Variants in CHD2 observed in about 807,000 individuals in gnomAD.
CHD2 encodes the protein ATP-dependent chromatin remodeler CHD2.
A neutral mutation model predicts 243.9 loss-of-function variants in CHD2; 28 were observed. That is an observed-to-expected ratio of 0.11 (90% CI 0.09 to 0.16). The LOEUF (loss-of-function observed/expected upper bound fraction) is 0.16. CHD2 is among the 10% of genes least tolerant of loss of function. The pLI is 1.00. For synonymous variants in CHD2, 775 were observed against 779.0 expected (o/e 0.99, Z 0.09); for missense variants, 1,386 against 2,209.8 (o/e 0.63, Z 7.47).
Position 92,997,322 on chromosome 15 carries a change from C to T in CHD2, c.3804C>T (p.Arg1268=). Residue 1268 remains arginine, a synonymous_variant, in exon 30 of 39, where the codon CGC becomes CGT. Transcript: ENST00000394196. This position sits in a 1 kb window ranked among gnomAD's most constrained non-coding sequence, Gnocchi z 4.1. ...AGTGGGGGGTGGAAGATGATTCTCG[C>T]CTGTTGCTGGGGATTTATGAACATG... is the stretch of plus-strand genomic sequence containing the variant. ...DVEWGVEDDS[R]LLLGIYEHGY... The T allele has an allele frequency of 6.2e-7, 1 of 1,613,656 alleles. No individual in the cohort carries two copies. Among genetic ancestry groups the T allele is most frequent in the Non-Finnish European group, 8.5e-7 (1 of 1,179,838 alleles).
At chr15:92,986,562 G>T (rs1314537440) in intron 26 of CHD2, among the ~76,000 whole-genome samples, 1 of 152,048 alleles carries the variant, frequency 6.6e-6, no homozygotes, top group Non-Finnish European at 1.5e-5. Flanking sequence ...TGAATTTGTA[G>T]CCAAAATTGT....
intron 38 of CHD2, among the ~76,000 whole-genome samples, chr15:93,023,669 T>G (rs925460300): frequency 3.3e-5 from 4 of 122,368 alleles, no homozygotes; most frequent in East Asian, 2.0e-4. Flanking sequence ...ATTTCCTGGG[T>G]TTTTTTTTTG....
chr15:92,975,913 A>G (rs535783439), intron 20 of CHD2, among the ~76,000 whole-genome samples: 1 of 152,320 alleles, frequency 6.6e-6, no homozygotes, highest in East Asian at 1.9e-4. Context: ...ATAATTAAAG[A>G]CATCGGTCAT....
intron 34 of CHD2, among the ~76,000 whole-genome samples, chr15:93,006,280 C>T (rs2054320975): frequency 6.6e-6 from 1 of 152,038 alleles, no homozygotes; most frequent in Non-Finnish European, 1.5e-5. Flanking sequence ...ATGCGCACCA[C>T]CACACCCGGC....
chr15:92,937,325 A>C (rs2053282938), intron 5 of CHD2, among the ~76,000 whole-genome samples, 193 bp from the exon 6 acceptor site: 1 of 152,220 alleles, frequency 6.6e-6, no homozygotes, highest in Non-Finnish European at 1.5e-5. Context: ...ACTGGAGATA[A>C]AATAGGAATC....
At position 93,005,448 on chromosome 15, in the gene CHD2, C is replaced by T. The variant is rs141010842; in HGVS notation, c.4413+697C>T. Among the ~76,000 whole-genome samples, 473 of 152,300 alleles carry T rather than the reference C, an allele frequency of 3.1e-3. 2 individuals are homozygous for T. Among genetic ancestry groups the T allele is most frequent in the African/African-American group, 0.011 (450 of 41,556 alleles). On this transcript the variant is annotated intron_variant, in intron 34 of 38. Coordinates refer to ENST00000394196, the MANE Select transcript of CHD2 (RefSeq NM_001271.4). ...GCTGGAGCTGCAGGTATAGATTTCA[C>T]TGTGCCACCATCCCTTCCCCACCTC...
intron 27 of CHD2, 80 bp downstream of exon 27, chr15:92,991,597 C>A: frequency 1.0e-6 from 1 of 968,540 alleles, no homozygotes; most frequent in Non-Finnish European, 1.5e-6. Flanking sequence ...TAAATTTTTC[C>A]ATTTAATACT....
chr15:92,942,363 T>C (rs1019324863), intron 8 of CHD2, among the ~76,000 whole-genome samples: 1 of 151,970 alleles, frequency 6.6e-6, no homozygotes, highest in Non-Finnish European at 1.5e-5. Context: ...AAACTTTCTG[T>C]AAAGGAAATA....
At chr15:92,991,201 C>G (rs1235189587) in intron 26 of CHD2, 2 of 331,818 alleles carry the variant, frequency 6.0e-6, no homozygotes, top group Non-Finnish European at 1.1e-5. Flanking sequence ...AGAGCTAAGT[C>G]ACAGTTCTCT....
intron 1 of CHD2, 93 bp from the exon 2 acceptor site, chr15:92,901,074 T>C (rs1365096439): frequency 9.1e-6 from 6 of 661,302 alleles, no homozygotes; most frequent in Admixed American, 2.9e-5. Context: ...TGTTGTGTTA[T>C]AACAATATCG....
chr15:92,996,362 G>T (rs1407811034), intron 28 of CHD2, among the ~76,000 whole-genome samples: 2 of 151,738 alleles, frequency 1.3e-5, no homozygotes, highest in Non-Finnish European at 2.9e-5. Context: ...GGGTTTCACT[G>T]TGTTAGCCAG....
intron 17 of CHD2, among the ~76,000 whole-genome samples, chr15:92,968,729 A>G (rs951453788): frequency 1.3e-5 from 2 of 152,250 alleles, no homozygotes; most frequent in Non-Finnish European, 1.5e-5. Context: ...ACTTTTCTTC[A>G]AAGGTTTTGA....
chr15:93,005,823 C>T (rs1187935557), intron 34 of CHD2, among the ~76,000 whole-genome samples: 1 of 152,144 alleles, frequency 6.6e-6, no homozygotes, highest in Non-Finnish European at 1.5e-5. Flanking sequence ...AAACTAATTA[C>T]ATAGCCAGCT....
intron 25 of CHD2, among the ~76,000 whole-genome samples, chr15:92,984,977 A>G (rs1176203818): frequency 2.0e-5 from 3 of 152,242 alleles, no homozygotes; most frequent in African/African-American, 7.2e-5. Context: ...TTGTAACAAC[A>G]TTGAAATAGG....
At chr15:93,005,102 A>C (rs2054303531) in intron 34 of CHD2, among the ~76,000 whole-genome samples, 1 of 152,196 alleles carries the variant, frequency 6.6e-6, no homozygotes, top group Non-Finnish European at 1.5e-5. Flanking sequence ...TGTTGAATAG[A>C]TAACCATTTC....
At chr15:92,969,280 A>G (rs903982152) in intron 17 of CHD2, among the ~76,000 whole-genome samples, 2 of 152,228 alleles carry the variant, frequency 1.3e-5, no homozygotes, top group Admixed American at 1.3e-4. Context: ...GCTGCACAAC[A>G]TGCAGGATTG....
intron 12 of CHD2, chr15:92,946,713 C>G (rs949960185): frequency 2.6e-5 from 4 of 152,314 alleles, no homozygotes; most frequent in African/African-American, 9.7e-5. Flanking sequence ...GTCTCAAACT[C>G]CTGACCTCAA....
At chr15:92,944,390 C>A in intron 9 of CHD2, 25 bp from the exon 10 acceptor site, 1 of 1,389,636 alleles carries the variant, frequency 7.2e-7, no homozygotes, top group Non-Finnish European at 1.0e-6. Flanking sequence ...TTTATGTGTA[C>A]TTTTTCTGTC....
intron 16 of CHD2, 108 bp from the exon 17 acceptor site, chr15:92,967,217 G>A: frequency 1.3e-6 from 1 of 761,310 alleles, no homozygotes; most frequent in Non-Finnish European, 2.1e-6. Context: ...GAGCTCTAGT[G>A]ATTGATAATG....
Sources: gnomAD v4.1 joint callset for allele counts (sites outside exome capture counted in the v4.1 genomes callset) on GRCh38, gnomAD v4.1.1 for gene constraint, Gnocchi (gnomAD v3.1) non-coding constraint, MANE v1.5 for transcripts, NCBI Gene and HGNC (gene_info 2026-07-23, HGNC 2026-07-21) for gene names.